The following OR2L5 variants were observed in gnomAD, a reference collection of about 807,000 sequenced individuals.
The protein encoded by OR2L5 is olfactory receptor 2L5.
For missense variants in OR2L5, 413 were observed against 381.6 expected (o/e 1.08, Z -0.69); for synonymous variants, 169 against 142.0 (o/e 1.19, Z -1.35).
intron 1 of OR2L5, 69 bp from the exon 2 acceptor site, chr1:248,021,858 C>A: frequency 2.0e-6 from 2 of 986,382 alleles, no homozygotes; most frequent in South Asian, 3.1e-5. Context: ...TCACTGGAGG[C>A]CTTGGAATGC....
chr1:248,017,229 G>A lies in OR2L5; in HGVS notation c.-22+3491G>A, dbSNP rs139666468. ...TAAAATATTTACAGCTAATTCTGTG[G>A]ATAAAAAATTAAGGGGCACAAGTAA... On this transcript the variant is annotated intron_variant, in intron 1 of 1. Transcript: ENST00000355281. Among the ~76,000 whole-genome samples the A allele has an allele frequency of 4.3e-3, 652 of 152,202 alleles. 3 individuals carry two copies. The highest frequency in any genetic ancestry group is 7.6e-3 in the Non-Finnish European group (518 of 68,012).
chr1:248,022,514 A>T lies in OR2L5; in HGVS notation c.567A>T (p.Thr189=). The T allele has an allele frequency of 1.9e-6, 3 of 1,614,200 alleles. No homozygotes were observed. Among genetic ancestry groups the T allele is most frequent in the Non-Finnish European group, 2.5e-6 (3 of 1,180,036 alleles). The stretch of plus-strand genomic sequence containing the variant: ...CAGCTATGTTGACATTAGCCTGTAC[A>T]GACACCTGGGTCTATGAGTACACAG... The part of the protein sequence containing the change: ...DVPAMLTLAC[T]DTWVYEYTVF... Residue 189 remains threonine (T), a synonymous_variant, in exon 2 of 2, where the codon ACA becomes ACT. Transcript: ENST00000355281.
intron 1 of OR2L5, among the ~76,000 whole-genome samples, chr1:248,018,148 A>G (rs1441819416): frequency 6.8e-6 from 1 of 146,932 alleles, no homozygotes; most frequent in Non-Finnish European, 1.5e-5. Context: ...GAGCGACTCC[A>G]TCTCAAAAAA....
At chr1:248,018,096 A>G (rs368136953) in intron 1 of OR2L5, among the ~76,000 whole-genome samples, 1 of 150,204 alleles carries the variant, frequency 6.7e-6, no homozygotes, top group South Asian at 2.1e-4. Flanking sequence ...CGGAGCTTGC[A>G]GTGAGCCGAG....
At chr1:248,014,041 A>G (rs1027562262) in intron 1 of OR2L5, among the ~76,000 whole-genome samples, 3 of 152,160 alleles carry the variant, frequency 2.0e-5, no homozygotes, top group Non-Finnish European at 2.9e-5. Context: ...TTAAAAACCC[A>G]TATTCACAAT....
Position 248,022,127 on chromosome 1 carries a change from C to T in OR2L5, c.180C>T (p.Phe60=), listed in dbSNP as rs112619079. Residue 60 remains phenylalanine, a synonymous_variant, in exon 2 of 2, where the codon TTC becomes TTT. Transcript: ENST00000355281. ...CCCATCTCCACACACCCATGTATTT[C>T]CTGCTTAGTCAGCTCTCCCTCATTG... The part of the protein sequence containing the change: ...LDTHLHTPMY[F]LLSQLSLIDL... The T allele has an allele frequency of 8.7e-4, 1,397 of 1,613,964 alleles. 18 individuals are homozygous for T. In the African/African-American group the frequency reaches 0.012, roughly 14 times the overall value.
chr1:248,018,661 C>G (rs1662265042), intron 1 of OR2L5, among the ~76,000 whole-genome samples: 1 of 152,108 alleles, frequency 6.6e-6, no homozygotes, highest in Non-Finnish European at 1.5e-5. Context: ...TTAAGATAAA[C>G]TGCACCATTT....
chr1:248,017,855 G>C (rs183255866), intron 1 of OR2L5, among the ~76,000 whole-genome samples: 1 of 152,168 alleles, frequency 6.6e-6, no homozygotes, highest in South Asian at 2.1e-4. Context: ...TGTAGAATGT[G>C]TCTGGTGGGT....
Position 248,022,547 on chromosome 1 carries a change from G to C in OR2L5, c.600G>C (p.Leu200Phe). 1.2e-6 allele frequency: 2 copies of C among 1,614,122 alleles called. No individual in the cohort carries two copies. Among genetic ancestry groups the C allele is most frequent in the Non-Finnish European group, 1.7e-6 (2 of 1,180,022 alleles). ...DTWVYEYTVF[L>F]SSTIFLVFPF... is the part of the protein sequence containing the mutation. ...GGGTCTATGAGTACACAGTGTTTTTGAGCAGCACCATCTTTCTTGTGTTTC... is the reference window on the plus strand; with the variant it reads ...GGGTCTATGAGTACACAGTGTTTTTCAGCAGCACCATCTTTCTTGTGTTTC... Residue 200 changes from leucine (L) to phenylalanine (F), a missense_variant, in exon 2 of 2, where the codon TTG becomes TTC. By Grantham distance (22) the Leu-to-Phe change is conservative (BLOSUM62 0). Coordinates refer to ENST00000355281, the MANE Select transcript of OR2L5 (RefSeq NM_001258284.2).
intron 1 of OR2L5, 99 bp from the exon 2 acceptor site, chr1:248,021,828 T>A: frequency 1.4e-6 from 1 of 695,716 alleles, no homozygotes; most frequent in Non-Finnish European, 2.5e-6. Context: ...GGGTTCAGTG[T>A]CAACTGCAAT....
Position 248,023,258 on chromosome 1 carries a change from T to C in OR2L5, c.*372T>C, listed in dbSNP as rs567353975. 6.4e-6 allele frequency: 1 copy of C among 157,478 alleles called. No individual in the cohort carries two copies. Among genetic ancestry groups the C allele is most frequent in the East Asian group, 1.9e-4 (1 of 5,304 alleles). 9.8% of individuals were successfully genotyped at this position (157,478 alleles called of 1,614,324 possible). On this transcript the variant is annotated 3_prime_UTR_variant, in exon 2 of 2. Transcript: ENST00000355281. ...AAAATAACAAATTATTTAAGATTAC[T>C]GAATCTAATTGAATATTAAATAATA...
chr1:248,020,259 C>T (rs1279100866), intron 1 of OR2L5, among the ~76,000 whole-genome samples: 1 of 152,118 alleles, frequency 6.6e-6, no homozygotes, highest in Non-Finnish European at 1.5e-5. Flanking sequence ...TAAAGAGCAT[C>T]CAAATTGGTA....
intron 1 of OR2L5, among the ~76,000 whole-genome samples, chr1:248,014,019 C>T (rs1190072453): frequency 6.6e-6 from 1 of 152,024 alleles, no homozygotes; most frequent in African/African-American, 2.4e-5. Flanking sequence ...CTTTTTTGGG[C>T]TCAAGTGAAA....
rs560410471 is a variant in OR2L5 at position 248,022,865 on chromosome 1, T to A, written c.918T>A (p.Asn306Lys). The A allele has an allele frequency of 2.5e-6, 4 of 1,608,790 alleles. No homozygotes were observed. Among genetic ancestry groups the A allele is most frequent in the East Asian group, 2.2e-5 (1 of 44,862 alleles). The change falls in exon 2 of 2, where the codon AAT becomes AAA. Residue 306 changes from asparagine (N) to lysine (K), a missense_variant. Asn to Lys is a moderately conservative substitution (Grantham distance 94, BLOSUM62 0). Coordinates refer to ENST00000355281, the MANE Select transcript of OR2L5 (RefSeq NM_001258284.2). ...VMGALTRVIQNIFSVKM is the reference protein window; with the variant it reads ...VMGALTRVIQKIFSVKM Reference sequence around the variant, plus strand: ...GGGCCCTGACACGAGTGATTCAGAATATCTTCTCGGTGAAAATGTAGACAT... The same window carrying A: ...GGGCCCTGACACGAGTGATTCAGAAAATCTTCTCGGTGAAAATGTAGACAT...
chr1:248,016,862 T>C (rs1327681983), intron 1 of OR2L5, among the ~76,000 whole-genome samples: 1 of 152,136 alleles, frequency 6.6e-6, no homozygotes, highest in Non-Finnish European at 1.5e-5. Flanking sequence ...TTACAACCCC[T>C]GAATCTCAAT....
rs1355474886 is a variant in OR2L5, at chr1:248,022,833, G to A, written c.886G>A (p.Val296Met). The A allele has an allele frequency of 2.5e-6, 4 of 1,613,428 alleles. No individual in the cohort carries two copies. The South Asian group carries it at 3.3e-5, about 13-fold the overall frequency. Residue 296 changes from valine to methionine, a missense_variant, in exon 2 of 2, where the codon GTG becomes ATG. Transcript: ENST00000355281. ...PIIYSLRNKE[V>M]MGALTRVIQN... is the part of the protein sequence containing the mutation. Reference sequence around the variant, plus strand: ...CATCTACAGCCTGAGAAACAAGGAGGTGATGGGGGCCCTGACACGAGTGAT... The same window carrying A: ...CATCTACAGCCTGAGAAACAAGGAGATGATGGGGGCCCTGACACGAGTGAT...
chr1:248,017,640 C>T (rs1161909198), intron 1 of OR2L5, among the ~76,000 whole-genome samples: 1 of 152,108 alleles, frequency 6.6e-6, no homozygotes, highest in African/African-American at 2.4e-5. Context: ...GCGTGAATGA[C>T]ATGCAGGGGG....
At chr1:248,019,104 A>G (rs1394343989) in intron 1 of OR2L5, among the ~76,000 whole-genome samples, 1 of 152,190 alleles carries the variant, frequency 6.6e-6, no homozygotes, top group Non-Finnish European at 1.5e-5. Flanking sequence ...ATGTGGCCAT[A>G]TAAGTATCTT....
intron 1 of OR2L5, among the ~76,000 whole-genome samples, chr1:248,016,103 A>T (rs1314639815): frequency 6.6e-6 from 1 of 152,174 alleles, no homozygotes; most frequent in African/African-American, 2.4e-5. Context: ...GAATATGTGA[A>T]TTACTTAAAT....
Sources: allele counts gnomAD v4.1 joint callset (sites outside exome capture counted in the v4.1 genomes callset), GRCh38; gene constraint gnomAD v4.1.1; transcripts MANE v1.5; gene names NCBI Gene and HGNC (gene_info 2026-07-23, HGNC 2026-07-21).